The following AKAP13 variants were observed in gnomAD, a reference collection of about 807,000 sequenced individuals.
The protein encoded by AKAP13 is A-kinase anchor protein 13.
A neutral mutation model predicts 264.5 loss-of-function variants in AKAP13; 80 were observed. That is an observed-to-expected ratio of 0.30 (90% CI 0.25 to 0.36). The LOEUF (loss-of-function observed/expected upper bound fraction) is 0.36, where lower values mean the gene tolerates loss of function less well. Ranked by LOEUF, AKAP13 falls within the 10% of genes least tolerant of loss-of-function variation. The pLI is 1.00. For missense variants in AKAP13, 3,712 were observed against 3,435.2 expected (o/e 1.08, Z -2.01); for synonymous variants, 1,380 against 1,250.2 (o/e 1.10, Z -2.19).
At chr15:85,616,102 A>G (rs1006525509) in intron 8 of AKAP13, among the ~76,000 whole-genome samples, 1 of 152,184 alleles carries the variant, frequency 6.6e-6, no homozygotes, top group South Asian at 2.1e-4. Context: ...GAAAAAATAC[A>G]TAGTAGCAGA....
chr15:85,477,557 C>G (rs150154901), intron 1 of AKAP13, among the ~76,000 whole-genome samples: 11 of 143,294 alleles, frequency 7.7e-5, no homozygotes, highest in African/African-American at 2.8e-4. Flanking sequence ...CAATTACAAA[C>G]TTTTTCCAGT....
Position 85,664,605 on chromosome 15 carries a change from C to G in AKAP13, c.4842C>G (p.Asn1614Lys), listed in dbSNP as rs2083496950. 2 of 1,613,566 alleles carry G rather than the reference C, an allele frequency of 1.2e-6. No homozygotes were observed. Among genetic ancestry groups the G allele is most frequent in the African/African-American group, 1.3e-5 (1 of 74,890 alleles). ...EGLTGGAGVG[N>K]KPSSSLEVSS... Reference sequence around the variant, plus strand: ...TGACAGGAGGAGCTGGTGTCGGAAACAAGCCATCCTCATCTCTAGAAGTAA... The same window carrying G: ...TGACAGGAGGAGCTGGTGTCGGAAAGAAGCCATCCTCATCTCTAGAAGTAA... Residue 1614 changes from asparagine to lysine, a missense_variant, in exon 13 of 37, where the codon AAC (asparagine) becomes AAG (lysine). This residue lies in a region of AKAP13 where 2,759 missense variants were observed against 2,411.7 expected (regional missense o/e 1.14). Coordinates refer to ENST00000394518, the MANE Select transcript of AKAP13 (RefSeq NM_007200.5).
In AKAP13 at chr15:85,581,480, G is replaced by T. The variant is rs140372827; in HGVS notation, c.3412G>T (p.Asp1138Tyr). 8.7e-4 allele frequency: 1,397 copies of T among 1,614,082 alleles called. 1 individual carries two copies. Among genetic ancestry groups the T allele is most frequent in the Non-Finnish European group, 1.1e-3 (1,252 of 1,180,042 alleles). Residue 1138 changes from aspartate (D) to tyrosine (Y), a missense_variant, in exon 7 of 37, where the codon GAC (aspartate) becomes TAC (tyrosine). Around this residue, in one of 3 missense-constraint regions of AKAP13, gnomAD observed 2,759 missense variants for 2,411.7 expected, o/e 1.14. Transcript: ENST00000394518. ...AVLGLPVALQ[D>Y]KAVTDPQGVG... is the part of the protein sequence containing the mutation. ...TCTAGGTTTGCCAGTGGCTCTACAG[G>T]ACAAAGCTGTGACTGACCCACAGGG...
At chr15:85,720,258 CTCTG>C (rs2087199806) in intron 23 of AKAP13, among the ~76,000 whole-genome samples, 1 of 36,296 alleles carries the variant, frequency 2.8e-5, no homozygotes, top group Non-Finnish European at 5.5e-5. Context: ...TAAAAACAAA[CTCTG>C]TGTGTGTGTG....
At chr15:85,702,452 T>C (rs1310151222) in intron 17 of AKAP13, 1 of 152,196 alleles carries the variant, frequency 6.6e-6, no homozygotes, top group Non-Finnish European at 1.5e-5. Flanking sequence ...GCAGAATCTT[T>C]CGTCACTTCC....
chr15:85,552,902 A>G (rs554931230), intron 5 of AKAP13, among the ~76,000 whole-genome samples: 9 of 152,244 alleles, frequency 5.9e-5, no homozygotes, highest in Admixed American at 2.6e-4. Flanking sequence ...CAATGTTGAC[A>G]TTCTGCTCTT....
intron 1 of AKAP13, among the ~76,000 whole-genome samples, chr15:85,436,615 A>G (rs377729555): frequency 1.4e-5 from 2 of 144,036 alleles, no homozygotes; most frequent in African/African-American, 2.6e-5. Context: ...ATAACAAACT[A>G]TCTCTCAGAC....
intron 14 of AKAP13, chr15:85,677,242 TG>T (rs1408588954): frequency 6.9e-5 from 51 of 742,464 alleles, no homozygotes; most frequent in Non-Finnish European, 8.1e-5. Flanking sequence ...TCTTTATGCT[TG>T]CCTTTGAGAA....
In AKAP13 at chr15:85,581,686, T is replaced by A. The variant is rs145429082; in HGVS notation, c.3618T>A (p.Asp1206Glu). 3.2e-4 allele frequency: 511 copies of A among 1,614,106 alleles called. 1 individual carries two copies. Among genetic ancestry groups the A allele is most frequent in the Middle Eastern group, 3.1e-3 (19 of 6,062 alleles). ...ACATGGAGCTCTCAGCCCATGATGATGGGGCCCCAGCTGGTGTGAGGGAAG... is the reference window on the plus strand; with the variant it reads ...ACATGGAGCTCTCAGCCCATGATGAAGGGGCCCCAGCTGGTGTGAGGGAAG... Reference protein sequence around the residue: ...PTDMELSAHDDGAPAGVREVM... With the variant: ...PTDMELSAHDEGAPAGVREVM... The change falls in exon 7 of 37, where the codon GAT (aspartate) becomes GAA (glutamate). Residue 1206 changes from aspartate to glutamate, a missense_variant. Physicochemically the swap from Asp to Glu is conservative, Grantham distance 45 (BLOSUM62 2). Around this residue, in one of 3 missense-constraint regions of AKAP13, gnomAD observed 2,759 missense variants for 2,411.7 expected, o/e 1.14. Coordinates refer to ENST00000394518, the MANE Select transcript of AKAP13 (RefSeq NM_007200.5).
At chr15:85,431,619 C>T (rs1217947754) in intron 1 of AKAP13, among the ~76,000 whole-genome samples, 2 of 152,110 alleles carry the variant, frequency 1.3e-5, no homozygotes, top group Admixed American at 1.3e-4. Context: ...GTGCTGGTTA[C>T]CTTGCCCCTT....
At chr15:85,473,821 AG>A (rs2075053668) in intron 1 of AKAP13, among the ~76,000 whole-genome samples, 1 of 152,370 alleles carries the variant, frequency 6.6e-6, no homozygotes, top group South Asian at 2.1e-4. Context: ...GGCCTGTGGT[AG>A]GTCAAATGAG....
At chr15:85,517,170 C>T (rs750311945) in intron 2 of AKAP13, among the ~76,000 whole-genome samples, 10 of 152,292 alleles carry the variant, frequency 6.6e-5, no homozygotes, top group African/African-American at 2.4e-4. Flanking sequence ...CACTTCCTTA[C>T]TATCTAAGAT....
At chr15:85,598,664 A>C (rs2079925108) in intron 8 of AKAP13, among the ~76,000 whole-genome samples, 1 of 152,182 alleles carries the variant, frequency 6.6e-6, no homozygotes, top group African/African-American at 2.4e-5. Flanking sequence ...TGGGTAAAAT[A>C]AGACAGATTT....
chr15:85,414,230 C>T (rs1255916838), intron 1 of AKAP13, among the ~76,000 whole-genome samples: 1 of 152,078 alleles, frequency 6.6e-6, no homozygotes, highest in African/African-American at 2.4e-5. Flanking sequence ...TGTAAACAGG[C>T]TTTGACGGGG....
Position 85,723,244 on chromosome 15 carries a change from C to G in AKAP13, c.6669C>G (p.Ala2223=), listed in dbSNP as rs1271960366. ...GGATGAAGAGTGGTCAGATGTTTGC[C>G]AAGGAAGATTTGAAACGGAAGAAGC... is the stretch of plus-strand genomic sequence containing the variant. The part of the protein sequence containing the change: ...IMRMKSGQMF[A]KEDLKRKKLV... Residue 2223 remains alanine (A), a synonymous_variant, in exon 26 of 37, where the codon GCC becomes GCG. Transcript: ENST00000394518. 8 of 1,614,098 alleles carry G rather than the reference C, an allele frequency of 5.0e-6. No homozygotes were observed. The highest frequency in any genetic ancestry group is 6.8e-6 in the Non-Finnish European group (8 of 1,179,984).
At chr15:85,468,310 A>G (rs1332179556) in intron 1 of AKAP13, among the ~76,000 whole-genome samples, 2 of 152,026 alleles carry the variant, frequency 1.3e-5, no homozygotes, top group East Asian at 3.9e-4. Flanking sequence ...GCCCTTCTAG[A>G]GGTATATTGA....
intron 8 of AKAP13, among the ~76,000 whole-genome samples, chr15:85,599,808 G>A (rs1052667446): frequency 6.6e-6 from 1 of 152,078 alleles, no homozygotes; most frequent in African/African-American, 2.4e-5. Context: ...GGCCAAGGTG[G>A]GAGGATTGCT....
At chr15:85,519,539 T>C (rs1392538172) in intron 2 of AKAP13, among the ~76,000 whole-genome samples, 1 of 152,230 alleles carries the variant, frequency 6.6e-6, no homozygotes, top group Admixed American at 6.5e-5. Flanking sequence ...TCTTTTTAAC[T>C]GGTTGCATCA....
intron 5 of AKAP13, among the ~76,000 whole-genome samples, chr15:85,569,651 C>T (rs1049183354): frequency 5.3e-5 from 8 of 151,924 alleles, no homozygotes; most frequent in Admixed American, 1.3e-4. Context: ...GGGGGTTTCG[C>T]CATGTTGGCC....
Sources: gnomAD v4.1 joint callset for allele counts (sites outside exome capture counted in the v4.1 genomes callset) on GRCh38, gnomAD v4.1.1 for gene constraint, gnomAD v4.1.1 regional missense constraint, MANE v1.5 for transcripts, NCBI Gene and HGNC (gene_info 2026-07-23, HGNC 2026-07-21) for gene names.